CCL28: variants seen among roughly 807,000 people sequenced by gnomAD.
CCL28 encodes C-C motif chemokine ligand 28.
In CCL28, 4 loss-of-function variants were observed where a neutral mutation model predicts 7.1. The ratio of observed to expected loss-of-function variants is 0.56; its 90% CI spans 0.28 to 1.29. The LOEUF (loss-of-function observed/expected upper bound fraction) is 1.29. Among genes scored for constraint, CCL28 ranks in the 50% most tolerant of loss-of-function variants. The pLI, the probability that CCL28 is intolerant of heterozygous loss-of-function variation, is 0.11. For synonymous variants in CCL28, 55 were observed against 57.8 expected, an observed-to-expected ratio of 0.95 and a Z score of 0.22; for missense variants, 151 against 163.4, an observed-to-expected ratio of 0.92 and a Z score of 0.41.
chr5:43,374,863 C>T (rs1739855273), downstream of CCL28, among the ~76,000 whole-genome samples: 1 of 151,714 alleles, frequency 6.6e-6, no homozygotes. Flanking sequence ...TCCTCTCATT[C>T]TCTAGTTAAG....
intron 2 of CCL28, among the ~76,000 whole-genome samples, chr5:43,385,812 A>G (rs947781740): frequency 1.3e-5 from 2 of 152,202 alleles, no homozygotes; most frequent in African/African-American, 4.8e-5. Flanking sequence ...ATTAAAATTG[A>G]GTCCTTTTTA....
At chr5:43,401,264 G>A (rs1741023835) in intron 1 of CCL28, among the ~76,000 whole-genome samples, 1 of 152,142 alleles carries the variant, frequency 6.6e-6, no homozygotes, top group Non-Finnish European at 1.5e-5. Context: ...CATGATATAT[G>A]GAACTGCTAT....
chr5:43,396,303 T>C (rs1382851670), intron 1 of CCL28, among the ~76,000 whole-genome samples: 1 of 152,192 alleles, frequency 6.6e-6, no homozygotes, highest in Non-Finnish European at 1.5e-5. Context: ...TTGGTTTTGG[T>C]AGGATTTAGC....
chr5:43,357,613 A>G, the CCL28 span, among the ~76,000 whole-genome samples: 8 of 152,108 alleles, frequency 5.3e-5, no homozygotes, highest in African/African-American at 1.2e-4. Context: ...TTGTGGTTAT[A>G]CTTTATTTTT....
chr5:43,410,408 C>T (rs1013838606), intron 1 of CCL28, among the ~76,000 whole-genome samples: 1 of 152,222 alleles, frequency 6.6e-6, no homozygotes. Flanking sequence ...GCTTCTCAGG[C>T]AATGTGATTT....
At chr5:43,368,002 G>C in the CCL28 span, among the ~76,000 whole-genome samples, 1 of 152,192 alleles carries the variant, frequency 6.6e-6, no homozygotes, top group South Asian at 2.1e-4. Context: ...CTGCTTGCTA[G>C]GGTATGTGAT....
At chr5:43,410,544 C>G (rs1373135462) in intron 1 of CCL28, among the ~76,000 whole-genome samples, 1 of 152,106 alleles carries the variant, frequency 6.6e-6, no homozygotes, top group Non-Finnish European at 1.5e-5. Flanking sequence ...TGCATTTTGC[C>G]GTTCCACCCC....
chr5:43,382,530 T>C (rs1288895930), intron 2 of CCL28, among the ~76,000 whole-genome samples: 1 of 152,254 alleles, frequency 6.6e-6, no homozygotes, highest in Non-Finnish European at 1.5e-5. Flanking sequence ...TCCCCTCTGA[T>C]TCTCCACGGT....
chr5:43,412,047 T>C (rs1446429650), intron 1 of CCL28, among the ~76,000 whole-genome samples: 1 of 152,248 alleles, frequency 6.6e-6, no homozygotes, highest in East Asian at 1.9e-4. Context: ...ATTTGTAGTA[T>C]GCCTGTTAGA....
chr5:43,381,867 G>A lies in CCL28; in HGVS notation c.377C>T (p.Pro126Leu), dbSNP rs748953326. 3 of 1,612,948 alleles carry A rather than the reference G, an allele frequency of 1.9e-6. No individual in the cohort carries two copies. The highest frequency in any genetic ancestry group is 1.7e-6 in the Non-Finnish European group (2 of 1,179,232). Residue 126 changes from proline (P) to leucine (L), a missense_variant, in exon 3 of 3, where the codon CCT (proline) becomes CTT (leucine). Coordinates refer to ENST00000361115, the MANE Select transcript of CCL28 (RefSeq NM_148672.3). ...GATTTATCTGTAGACTCTCTAATAA[G>A]GAGTTTTATGGCCGTATGTTTCGTG... ...GKHETYGHKT[P>L]Y
chr5:43,388,314 G>T, intron 2 of CCL28, 36 bp downstream of exon 2: 3 of 1,611,586 alleles, frequency 1.9e-6, no homozygotes, highest in Non-Finnish European at 2.5e-6. Flanking sequence ...AATAATCACT[G>T]TGCAGGTTTA....
chr5:43,377,545 A>G (rs1739930204), downstream of CCL28: 1 of 150,926 alleles, frequency 6.6e-6, no homozygotes, highest in Non-Finnish European at 1.5e-5. Flanking sequence ...TTATTTTAAA[A>G]AGACTAATAA....
chr5:43,395,149 T>A (rs902620376), intron 1 of CCL28, among the ~76,000 whole-genome samples: 49 of 149,996 alleles, frequency 3.3e-4, no homozygotes, highest in Admixed American at 2.1e-3. Context: ...AGGCCTGGTG[T>A]CTGAGGAAAG....
chr5:43,402,713 G>A (rs534517689), intron 1 of CCL28, among the ~76,000 whole-genome samples: 59 of 152,328 alleles, frequency 3.9e-4, no homozygotes, highest in Admixed American at 1.1e-3. Flanking sequence ...AGGGCAGGGC[G>A]TTGTCTCACC....
chr5:43,404,435 C>T (rs1179959414), intron 1 of CCL28, among the ~76,000 whole-genome samples: 1 of 152,076 alleles, frequency 6.6e-6, no homozygotes, highest in Non-Finnish European at 1.5e-5. Flanking sequence ...GAGAAATAAA[C>T]CCCTTTACAG....
chr5:43,384,946 G>C (rs1041260568), intron 2 of CCL28, among the ~76,000 whole-genome samples: 1 of 151,718 alleles, frequency 6.6e-6, no homozygotes, highest in African/African-American at 2.4e-5. Context: ...ACCCAGGCTG[G>C]AGTGCAGTGG....
rs1740444195 is a variant in CCL28, at chr5:43,388,809, G to T, written c.65-333C>A. Among the ~76,000 whole-genome samples the T allele has an allele frequency of 1.3e-5, 2 of 152,218 alleles. 1 individual carries two copies. The highest frequency in any genetic ancestry group is 2.9e-5 in the Non-Finnish European group (2 of 68,046). The stretch of plus-strand genomic sequence containing the variant: ...TTTCATGCATTTTGGAACTGGAAAA[G>T]CATCATTCGTTCAGCAAACATTTAT... On this transcript the variant is annotated intron_variant, in intron 1 of 2. Coordinates refer to ENST00000361115, the MANE Select transcript of CCL28 (RefSeq NM_148672.3).
chr5:43,364,878 C>T, the CCL28 span, among the ~76,000 whole-genome samples: 2 of 152,076 alleles, frequency 1.3e-5, no homozygotes, highest in Non-Finnish European at 2.9e-5. Context: ...AGGATTGCAA[C>T]CCCTGCTTTT....
downstream of CCL28, chr5:43,379,080 C>T (rs1740001971): frequency 6.6e-6 from 1 of 152,134 alleles, no homozygotes; most frequent in Non-Finnish European, 1.5e-5. Context: ...TCATGTAAAC[C>T]TACTGTCATT....
Sources: allele counts gnomAD v4.1 joint callset (sites outside exome capture counted in the v4.1 genomes callset), GRCh38; gene constraint gnomAD v4.1.1; transcripts MANE v1.5; gene names NCBI Gene and HGNC (gene_info 2026-07-23, HGNC 2026-07-21).